Variants in FFAR1 observed in about 807,000 individuals in gnomAD.
FFAR1 encodes G-protein coupled receptor 40.
For synonymous variants in FFAR1, 216 were observed against 201.5 expected (o/e 1.07, Z -0.61); for missense variants, 424 against 396.2 (o/e 1.07, Z -0.60).
At chr19:35,351,714 C>T (rs866089391) in exon 1 of FFAR1, 1 of 1,565,238 alleles carries the variant, frequency 6.4e-7, no homozygotes, top group Non-Finnish European at 8.6e-7. Context: ...CGACCTGCTG[C>T]TGACAGTCTC....
upstream of FFAR1, chr19:35,351,437 C>T: frequency 1.1e-6 from 1 of 895,536 alleles, no homozygotes; most frequent in Non-Finnish European, 1.7e-6. Flanking sequence ...TAATTCTCCA[C>T]ACAGGGCTGG....
At chr19:35,349,068 C>G (rs2066933723), upstream of FFAR1, among the ~76,000 whole-genome samples, 1 of 152,168 alleles carries the variant, frequency 6.6e-6, no homozygotes, top group African/African-American at 2.4e-5. Flanking sequence ...CGCAGGCCGC[C>G]CTCCACAACC....
upstream of FFAR1, chr19:35,351,447 G>T: frequency 1.0e-6 from 1 of 1,003,370 alleles, no homozygotes; most frequent in Admixed American, 2.1e-5. Flanking sequence ...CACAGGGCTG[G>T]AACCCGCGAG....
At chr19:35,352,233 G>A (rs749683890) in exon 1 of FFAR1, 11 of 1,564,798 alleles carry the variant, frequency 7.0e-6, no homozygotes, top group African/African-American at 2.7e-5. Flanking sequence ...GGTGGCCGGC[G>A]GGGCCCTCCT....
exon 1 of FFAR1, chr19:35,351,698 C>G: frequency 1.3e-6 from 2 of 1,563,156 alleles, no homozygotes; most frequent in Non-Finnish European, 1.7e-6. Context: ...TGAACCTGGG[C>G]TGCTCCGACC....
exon 1 of FFAR1, chr19:35,352,246 C>A: frequency 1.3e-6 from 2 of 1,557,750 alleles, no homozygotes; most frequent in Middle Eastern, 1.7e-4. Context: ...GCCCTCCTCA[C>A]GCTGCTGCTC....
chr19:35,351,720 G>A (rs1329757570), exon 1 of FFAR1: 2 of 1,565,292 alleles, frequency 1.3e-6, no homozygotes, highest in African/African-American at 1.4e-5. Context: ...GCTGCTGACA[G>A]TCTCTCTGCC....
At chr19:35,351,021 C>T (rs191823138), upstream of FFAR1, among the ~76,000 whole-genome samples, 4 of 152,224 alleles carry the variant, frequency 2.6e-5, no homozygotes, top group African/African-American at 9.6e-5. Flanking sequence ...TCACCTTATC[C>T]ACACCCTTCT....
chr19:35,352,429 C>G (rs1351034060), exon 1 of FFAR1: 1 of 1,554,508 alleles, frequency 6.4e-7, no homozygotes, highest in Non-Finnish European at 8.7e-7. Context: ...GCGGCAAGAA[C>G]GCAAGGGGGC....
At chr19:35,351,908 G>T (rs1328429332) in exon 1 of FFAR1, 2 of 1,614,092 alleles carry the variant, frequency 1.2e-6, no homozygotes, top group Admixed American at 1.7e-5. Flanking sequence ...CCTTCCGGAG[G>T]CCGTGCTATT....
rs985042299 is a variant in FFAR1 at position 35,352,109 on chromosome 19, C to T, written c.558C>T (p.Leu186=). Residue 186 remains leucine (L), a synonymous_variant, in exon 1 of 1, where the codon CTC becomes CTT. Coordinates refer to ENST00000246553, the Ensembl canonical transcript of FFAR1. ...CTGCCGGCCCGGCCCGCTTCAGCCT[C>T]TCTCTCCTGCTCTTTTTTCTGCCCT... 3.7e-6 allele frequency: 6 copies of T among 1,612,332 alleles called. No individual in the cohort carries two copies. The African/African-American group carries it at 4.0e-5, about 11-fold the overall frequency.
upstream of FFAR1, among the ~76,000 whole-genome samples, chr19:35,350,577 C>T (rs1489147766): frequency 6.6e-6 from 1 of 152,176 alleles, no homozygotes; most frequent in African/African-American, 2.4e-5. Context: ...TGGCTACACA[C>T]TCGGCCCCTA....
At chr19:35,352,073 G>C (rs1435784693) in exon 1 of FFAR1, 2 of 1,613,442 alleles carry the variant, frequency 1.2e-6, no homozygotes, top group Non-Finnish European at 1.7e-6. Context: ...TGGAGGCCTG[G>C]GACCCGGCCT....
chr19:35,348,757 C>T (rs1021153684), upstream of FFAR1, among the ~76,000 whole-genome samples: 6 of 152,170 alleles, frequency 3.9e-5, no homozygotes, highest in African/African-American at 1.4e-4. Flanking sequence ...GTTGTTAGGA[C>T]ACCAAAAAGA....
At chr19:35,352,323 C>G (rs578146950) in exon 1 of FFAR1, 2 of 1,552,202 alleles carry the variant, frequency 1.3e-6, no homozygotes, top group African/African-American at 2.7e-5. Context: ...AGGCTCCTGG[C>G]GGAAGCTGGG....
chr19:35,351,724 C>T, exon 1 of FFAR1: 1 of 1,565,106 alleles, frequency 6.4e-7, no homozygotes, highest in Non-Finnish European at 8.6e-7. Context: ...CTGACAGTCT[C>T]TCTGCCCCTG....
chr19:35,352,236 G>T (rs2066948695), exon 1 of FFAR1: 1 of 1,563,096 alleles, frequency 6.4e-7, no homozygotes, highest in Non-Finnish European at 8.7e-7. Flanking sequence ...GGCCGGCGGG[G>T]CCCTCCTCAC....
upstream of FFAR1, among the ~76,000 whole-genome samples, chr19:35,351,343 G>A (rs1206004937): frequency 1.3e-5 from 2 of 152,164 alleles, no homozygotes; most frequent in Non-Finnish European, 2.9e-5. Flanking sequence ...ACAGGTCCTG[G>A]CTTCTCATCC....
upstream of FFAR1, among the ~76,000 whole-genome samples, chr19:35,350,125 G>A (rs1422596554): frequency 6.6e-6 from 1 of 152,124 alleles, no homozygotes; most frequent in Non-Finnish European, 1.5e-5. Context: ...CCCCTTGACA[G>A]GCAGAGTGGG....
Sources: allele counts gnomAD v4.1 joint callset (sites outside exome capture counted in the v4.1 genomes callset), GRCh38; gene constraint gnomAD v4.1.1; transcripts MANE v1.5; gene names NCBI Gene and HGNC (gene_info 2026-07-23, HGNC 2026-07-21).